The following DNAH5 variants were observed in gnomAD, a reference collection of about 807,000 sequenced individuals.
The protein encoded by DNAH5 is dynein axonemal heavy chain 5.
DNAH5 carries 372 observed loss-of-function variants against 518.2 expected under a neutral mutation model. That is an observed-to-expected ratio of 0.72 (90% CI 0.66 to 0.78). The LOEUF (loss-of-function observed/expected upper bound fraction) is 0.78. DNAH5 is among the 30% of genes least tolerant of loss of function. The pLI is 0.00. For synonymous variants in DNAH5, 2,039 were observed against 2,025.9 expected, an observed-to-expected ratio of 1.01 and a Z score of -0.17; for missense variants, 5,523 against 5,687.0, an observed-to-expected ratio of 0.97 and a Z score of 0.93.
chr5:13,842,437 A>AGAGAGAG lies in DNAH5; in HGVS notation c.5272-534_5272-533insCTCTCTC, dbSNP rs1561407249. On this transcript the variant is annotated intron_variant, in intron 32 of 78. Transcript: ENST00000265104. ...GAAAAGAAAAGAAAAGAAAGAAAGA[A>AGAGAGAG]AGAAAGAAAGAAAGAAAGAAAGAAA... 5.6e-3 allele frequency among the ~76,000 whole-genome samples: 508 copies of AGAGAGAG among 91,122 alleles called. 49 individuals are homozygous for AGAGAGAG. The highest frequency in any genetic ancestry group is 0.02 in the East Asian group (50 of 2,518). 59.8% of individuals were successfully genotyped at this position (91,122 alleles called of 152,430 possible).
chr5:13,842,468 A>G (rs1765382241), intron 32 of DNAH5, among the ~76,000 whole-genome samples: 1 of 121,924 alleles, frequency 8.2e-6, no homozygotes, highest in Non-Finnish European at 1.7e-5. Flanking sequence ...AGAAAGAAAG[A>G]AAGAAAGAAA....
At chr5:13,716,104 C>A (rs114564308) in intron 74 of DNAH5, among the ~76,000 whole-genome samples, 1 of 152,180 alleles carries the variant, frequency 6.6e-6, no homozygotes, top group South Asian at 2.1e-4. Flanking sequence ...GAAAACAGAA[C>A]AAATTGGGTC....
At chr5:13,961,178 AT>A in intron 1 of DNAH5, among the ~76,000 whole-genome samples, 1 of 152,282 alleles carries the variant, frequency 6.6e-6, no homozygotes, top group Non-Finnish European at 1.5e-5. Flanking sequence ...TTCTGTATAT[AT>A]TTAATAATAT....
At position 13,770,837 on chromosome 5, in the gene DNAH5, C is replaced by A. The variant is rs552782157; in HGVS notation, c.9517G>T (p.Val3173Leu). Residue 3173 changes from valine to leucine, a missense_variant, in exon 56 of 79, where the codon GTG becomes TTG. Transcript: ENST00000265104. The stretch of plus-strand genomic sequence containing the variant: ...AAGGAGAGGTATGATTTGGGCGTCA[C>A]GTGGGTAGAACGTCGGAATCTCTGA... ...YFQRFRRSTHVTPKSYLSFIQ... is the reference protein window; with the variant it reads ...YFQRFRRSTHLTPKSYLSFIQ... The A allele has an allele frequency of 6.2e-7, 1 of 1,614,006 alleles. No individual in the cohort carries two copies. Among genetic ancestry groups the A allele is most frequent in the Non-Finnish European group, 8.5e-7 (1 of 1,179,956 alleles).
chr5:13,790,386 T>C (rs138452828), intron 50 of DNAH5, among the ~76,000 whole-genome samples: 4 of 152,320 alleles, frequency 2.6e-5, no homozygotes, highest in South Asian at 2.1e-4. Flanking sequence ...AATGAGATCA[T>C]GTCTTTCATG....
intron 18 of DNAH5, among the ~76,000 whole-genome samples, chr5:13,885,684 T>A (rs1772323294): frequency 6.6e-6 from 1 of 152,250 alleles, no homozygotes; most frequent in Non-Finnish European, 1.5e-5. Flanking sequence ...ACTCTATTGA[T>A]AAGGTAAAAT....
At chr5:13,975,434 G>A (rs1417121296) in intron 1 of DNAH5, among the ~76,000 whole-genome samples, 3 of 152,186 alleles carry the variant, frequency 2.0e-5, no homozygotes, top group African/African-American at 4.8e-5. Context: ...ACAAACAACA[G>A]ATGCCAGCCC....
At chr5:13,988,511 G>A (rs1345527556) in intron 1 of DNAH5, among the ~76,000 whole-genome samples, 3 of 151,900 alleles carry the variant, frequency 2.0e-5, no homozygotes, top group African/African-American at 7.3e-5. Context: ...TCTGCCTCCA[G>A]GGTTCAAGTG....
rs759536365 is a variant in DNAH5, at chr5:13,913,961, T to TA, written c.1321-4dup. 3 of 1,612,200 alleles carry TA rather than the reference T, an allele frequency of 1.9e-6. No individual in the cohort carries two copies. The highest frequency in any genetic ancestry group is 2.5e-6 in the Non-Finnish European group (3 of 1,178,938). ...TTGTGAAAGCAGAGCTGGTATTCCT[T>TA]AAAATCAAAAGAAAAATATACAACA... On this transcript the variant is annotated splice_polypyrimidine_tract_variant and splice_region_variant and intron_variant, in intron 10 of 78. Transcript: ENST00000265104.
intron 1 of DNAH5, among the ~76,000 whole-genome samples, chr5:13,973,745 C>G (rs1241464824): frequency 6.7e-6 from 1 of 149,540 alleles, no homozygotes; most frequent in African/African-American, 2.5e-5. Flanking sequence ...AAACAAAAAA[C>G]TTGGCAAATA....
At chr5:13,780,587 T>C (rs1754949527) in intron 53 of DNAH5, among the ~76,000 whole-genome samples, 1 of 152,202 alleles carries the variant, frequency 6.6e-6, no homozygotes, top group East Asian at 1.9e-4. Context: ...CTATCATATA[T>C]AACATAAAAG....
At chr5:13,985,409 C>G (rs1194488416) in intron 1 of DNAH5, among the ~76,000 whole-genome samples, 6 of 141,320 alleles carry the variant, frequency 4.2e-5, no homozygotes, top group South Asian at 2.2e-4. Flanking sequence ...CACATGTACC[C>G]TAGAACTTAA....
At chr5:14,005,637 G>A (rs965143707) in intron 1 of DNAH5, among the ~76,000 whole-genome samples, 2 of 152,176 alleles carry the variant, frequency 1.3e-5, no homozygotes, top group African/African-American at 4.8e-5. Context: ...TTGCACAATC[G>A]ATAAGTTTTG....
At chr5:13,890,269 T>A (rs1356831819) in intron 17 of DNAH5, among the ~76,000 whole-genome samples, 1 of 151,954 alleles carries the variant, frequency 6.6e-6, no homozygotes, top group African/African-American at 2.4e-5. Context: ...TAGGCAGGCG[T>A]GGCAGCGTGT....
At chr5:13,973,012 G>C (rs1408691226) in intron 1 of DNAH5, among the ~76,000 whole-genome samples, 2 of 152,222 alleles carry the variant, frequency 1.3e-5, no homozygotes, top group Non-Finnish European at 2.9e-5. Flanking sequence ...ATTACCTTAC[G>C]TGACAACAGG....
At chr5:13,913,652 G>C in intron 11 of DNAH5, 91 bp downstream of exon 11, 1 of 1,446,348 alleles carries the variant, frequency 6.9e-7, no homozygotes, top group Non-Finnish European at 9.5e-7. Context: ...ACAGACTGAT[G>C]ATTTGAATCA....
At chr5:14,000,548 G>A (rs1360787978) in intron 1 of DNAH5, among the ~76,000 whole-genome samples, 1 of 151,610 alleles carries the variant, frequency 6.6e-6, no homozygotes, top group Non-Finnish European at 1.5e-5. Flanking sequence ...TTTGAGAAGT[G>A]CCTGTTCATG....
intron 1 of DNAH5, among the ~76,000 whole-genome samples, chr5:13,963,294 C>A (rs1781308149): frequency 6.6e-6 from 1 of 152,078 alleles, no homozygotes; most frequent in East Asian, 1.9e-4. Flanking sequence ...AATAAATGAC[C>A]TGGTCGGAAG....
rs576736284 is a variant in DNAH5 at position 13,990,469 on chromosome 5, C to T, written c.12+21179G>A. 6.9e-3 allele frequency among the ~76,000 whole-genome samples: 1,052 copies of T among 152,212 alleles called. 7 individuals are homozygous for T. Among genetic ancestry groups the T allele is most frequent in the Non-Finnish European group, 0.011 (720 of 67,990 alleles). Reference sequence around the variant, plus strand: ...TCGGGAGGCTGAGGCGGAAGAATGGCGTGAACCCGGGAGGCAGAGCTTGCA... The same window carrying T: ...TCGGGAGGCTGAGGCGGAAGAATGGTGTGAACCCGGGAGGCAGAGCTTGCA... On this transcript the variant is annotated intron_variant, in intron 1 of 78. Coordinates refer to the DNAH5 transcript ENST00000681290.
Sources: allele counts gnomAD v4.1 joint callset (sites outside exome capture counted in the v4.1 genomes callset), GRCh38; gene constraint gnomAD v4.1.1; transcripts MANE v1.5; gene names NCBI Gene and HGNC (gene_info 2026-07-23, HGNC 2026-07-21).